The following HDAC9 variants were observed in gnomAD, a reference collection of about 807,000 sequenced individuals.
The protein encoded by HDAC9 is MEF-2 interacting transcription repressor (MITR) protein.
In HDAC9, 41 loss-of-function variants were observed where a neutral mutation model predicts 139.4. That is an observed-to-expected ratio of 0.29 (90% CI 0.23 to 0.38). The LOEUF (loss-of-function observed/expected upper bound fraction) is 0.38, where lower values mean the gene tolerates loss of function less well. HDAC9 is among the 10% of genes least tolerant of loss of function. The probability of loss-of-function intolerance (pLI) is 1.00; values close to 1 mark genes in which losing one functional copy is unlikely to be tolerated. For missense variants in HDAC9, 1,147 were observed against 1,297.0 expected, an observed-to-expected ratio of 0.88 and a Z score of 1.78; for synonymous variants, 517 against 476.2, an observed-to-expected ratio of 1.09 and a Z score of -1.12.
chr7:18,920,332 C>T (rs1025430878), intron 22 of HDAC9, among the ~76,000 whole-genome samples: 4 of 152,060 alleles, frequency 2.6e-5, no homozygotes, highest in African/African-American at 7.2e-5. Context: ...GTGATTTTTA[C>T]ACATTGATTT....
chr7:18,200,106 A>G (rs939445424), intron 2 of HDAC9, among the ~76,000 whole-genome samples: 2 of 152,234 alleles, frequency 1.3e-5, no homozygotes, highest in Non-Finnish European at 2.9e-5. Context: ...CACAAATGTA[A>G]TGCAATTGAA....
chr7:18,338,175 G>T (rs957652531), intron 1 of HDAC9, among the ~76,000 whole-genome samples: 1 of 151,656 alleles, frequency 6.6e-6, no homozygotes, highest in Non-Finnish European at 1.5e-5. Flanking sequence ...ATGTGCACAG[G>T]CTATGAAGAT....
At chr7:18,087,644 T>G (rs1781882548) in intron 1 of HDAC9, among the ~76,000 whole-genome samples, 1 of 152,142 alleles carries the variant, frequency 6.6e-6, no homozygotes. Flanking sequence ...AGTCAATACA[T>G]CAGAATCCTG....
At chr7:18,273,288 C>A (rs1289180119) in intron 2 of HDAC9, among the ~76,000 whole-genome samples, 1 of 151,776 alleles carries the variant, frequency 6.6e-6, no homozygotes, top group East Asian at 1.9e-4. Flanking sequence ...AGGCTGGTCC[C>A]GAACTCCTGG....
At chr7:18,086,972 G>T (rs1437225559) in exon 1 of HDAC9, 1 of 148,082 alleles carries the variant, frequency 6.8e-6, no homozygotes, top group Non-Finnish European at 1.5e-5. Context: ...AGCCGGCCGC[G>T]CCGCGCCCGC....
At chr7:18,953,242 C>CT (rs1338797393) in intron 23 of HDAC9, among the ~76,000 whole-genome samples, 4 of 152,064 alleles carry the variant, frequency 2.6e-5, no homozygotes, top group Non-Finnish European at 5.9e-5. Context: ...AGGAAAACTA[C>CT]TTTTTTGTTA....
chr7:18,264,221 T>C (rs1400946762), intron 2 of HDAC9, among the ~76,000 whole-genome samples: 1 of 152,182 alleles, frequency 6.6e-6, no homozygotes, highest in African/African-American at 2.4e-5. Flanking sequence ...GGAATACATA[T>C]TCTTCTCAGT....
At chr7:18,438,369 T>A (rs1168640347) in intron 1 of HDAC9, among the ~76,000 whole-genome samples, 2 of 152,152 alleles carry the variant, frequency 1.3e-5, no homozygotes, top group Non-Finnish European at 2.9e-5. Context: ...CACTCTGATA[T>A]ACTATTAGAA....
chr7:18,949,324 C>T, intron 23 of HDAC9: 1 of 251,962 alleles, frequency 4.0e-6, no homozygotes, highest in Non-Finnish European at 7.8e-6. Flanking sequence ...ACTACCACCT[C>T]TAGAGGCAGC....
At chr7:18,242,979 A>C (rs989066032) in intron 2 of HDAC9, among the ~76,000 whole-genome samples, 1 of 152,218 alleles carries the variant, frequency 6.6e-6, no homozygotes, top group Non-Finnish European at 1.5e-5. Context: ...CTTCTGGAAA[A>C]ACAAATATTT....
chr7:18,992,426 TAAA>T (rs1270579671), intron 25 of HDAC9, among the ~76,000 whole-genome samples: 1 of 152,066 alleles, frequency 6.6e-6, no homozygotes, highest in Non-Finnish European at 1.5e-5. Context: ...TTACATAAAA[TAAA>T]AATATATACC....
chr7:18,096,865 A>G (rs538279429), intron 1 of HDAC9, among the ~76,000 whole-genome samples: 106 of 150,994 alleles, frequency 7.0e-4, no homozygotes, highest in Admixed American at 9.2e-4. Context: ...GAATGAAAGA[A>G]TGGATGACTT....
At chr7:18,658,516 A>G (rs1792020630) in intron 11 of HDAC9, among the ~76,000 whole-genome samples, 1 of 152,154 alleles carries the variant, frequency 6.6e-6, no homozygotes, top group Non-Finnish European at 1.5e-5. Flanking sequence ...TTAATTTTGA[A>G]CCTCTTTAAT....
chr7:18,552,175 C>T (rs1364579305), intron 2 of HDAC9, among the ~76,000 whole-genome samples: 3 of 151,950 alleles, frequency 2.0e-5, no homozygotes, highest in South Asian at 4.2e-4. Flanking sequence ...TATATTTTAT[C>T]AAGAATGTCA....
chr7:18,990,805 G>T (rs1038868262), intron 25 of HDAC9, among the ~76,000 whole-genome samples: 2 of 152,236 alleles, frequency 1.3e-5, no homozygotes, highest in Non-Finnish European at 2.9e-5. Context: ...GGAGTGACCT[G>T]ATTTTCCAGG....
At chr7:18,451,912 G>A (rs1031501806) in intron 1 of HDAC9, among the ~76,000 whole-genome samples, 1 of 152,114 alleles carries the variant, frequency 6.6e-6, no homozygotes, top group African/African-American at 2.4e-5. Context: ...TTTGGGAACA[G>A]CATGGCAATG....
At chr7:18,972,646 G>A (rs895497490) in intron 24 of HDAC9, among the ~76,000 whole-genome samples, 18 of 152,194 alleles carry the variant, frequency 1.2e-4, no homozygotes, top group African/African-American at 4.3e-4. Flanking sequence ...CTCCCAAAGT[G>A]CTGGGATTAC....
chr7:18,291,105 T>C (rs1191148869), intron 1 of HDAC9, among the ~76,000 whole-genome samples: 1 of 152,140 alleles, frequency 6.6e-6, no homozygotes, highest in Non-Finnish European at 1.5e-5. Flanking sequence ...TTCAATCTAG[T>C]TGAATTGCAG....
At chr7:18,962,359 C>T (rs1347060026) in intron 24 of HDAC9, among the ~76,000 whole-genome samples, 1 of 152,118 alleles carries the variant, frequency 6.6e-6, no homozygotes, top group Admixed American at 6.6e-5. Flanking sequence ...GACTTGTACA[C>T]ATGGCTTTGT....
Sources: gnomAD v4.1 joint callset for allele counts (sites outside exome capture counted in the v4.1 genomes callset) on GRCh38, gnomAD v4.1.1 for gene constraint, MANE v1.5 for transcripts, NCBI Gene and HGNC (gene_info 2026-07-23, HGNC 2026-07-21) for gene names.